WDR1: variants seen among roughly 807,000 people sequenced by gnomAD.
WDR1 encodes the protein WD repeat-containing protein 1.
In WDR1, 21 loss-of-function variants were observed where a neutral mutation model predicts 71.9. That is an observed-to-expected ratio of 0.29 (90% confidence interval 0.21 to 0.42). The LOEUF is 0.42. Among genes scored for constraint, WDR1 ranks in the 10% least tolerant of loss-of-function variants. The probability of loss-of-function intolerance (pLI) is 1.00; values close to 1 mark genes in which losing one functional copy is unlikely to be tolerated. For synonymous variants in WDR1, 424 were observed against 347.4 expected (o/e 1.22, Z -2.45); for missense variants, 696 against 824.5 (o/e 0.84, Z 1.91).
chr4:10,116,631 C>A lies in WDR1; in HGVS notation c.16+20G>T. The A allele has an allele frequency of 1.6e-6, 2 of 1,242,396 alleles. No homozygotes were observed. The highest frequency in any genetic ancestry group is 2.0e-6 in the Non-Finnish European group (2 of 990,050). The allele number at this position is 1,242,396 out of a possible 1,614,324, so 77.0% of individuals were successfully genotyped here. Reference sequence around the variant, plus strand: ...GGGCAGCGCGGCGGCCGCTCGGGGGCCCCGCGCCGCGGCACTTACTGATCT... The same window carrying A: ...GGGCAGCGCGGCGGCCGCTCGGGGGACCCGCGCCGCGGCACTTACTGATCT... On this transcript the variant is annotated intron_variant, in intron 1 of 14. Coordinates refer to ENST00000499869, the MANE Select transcript of WDR1 (RefSeq NM_017491.5).
intron 9 of WDR1, among the ~76,000 whole-genome samples, chr4:10,083,804 AAC>A (rs1765106028): frequency 6.6e-6 from 1 of 152,180 alleles, no homozygotes; most frequent in South Asian, 2.1e-4. Flanking sequence ...ATGCAGGAAA[AAC>A]ACAACAGAAG....
At chr4:10,108,326 G>A (rs372438914) in intron 2 of WDR1, 1 of 152,198 alleles carries the variant, frequency 6.6e-6, no homozygotes, top group African/African-American at 2.4e-5. Flanking sequence ...GGGTCTCAAG[G>A]CTTGCCACTG....
chr4:10,088,249 G>T (rs1231777374), intron 7 of WDR1, 44 bp downstream of exon 7: 1 of 1,531,176 alleles, frequency 6.5e-7, no homozygotes, highest in South Asian at 1.2e-5. Context: ...ACGTGGACTC[G>T]GCCAAATTCC....
intron 3 of WDR1, among the ~76,000 whole-genome samples, chr4:10,100,583 A>G (rs569110552): frequency 5.3e-5 from 8 of 152,336 alleles, no homozygotes; most frequent in African/African-American, 1.9e-4. Flanking sequence ...CTCTCAGTCC[A>G]GCTGCGGGGA....
chr4:10,094,625 G>A (rs975701453), intron 5 of WDR1: 2 of 152,200 alleles, frequency 1.3e-5, no homozygotes, highest in Admixed American at 6.5e-5. Flanking sequence ...GGTGCCCAGG[G>A]TCTCCTTTCA....
At chr4:10,113,205 A>C (rs1399112892) in intron 2 of WDR1, among the ~76,000 whole-genome samples, 1 of 152,210 alleles carries the variant, frequency 6.6e-6, no homozygotes, top group Non-Finnish European at 1.5e-5. Flanking sequence ...ACTAAAAAAT[A>C]CAAAAATTAG....
intron 2 of WDR1, among the ~76,000 whole-genome samples, chr4:10,110,889 A>T (rs970300741): frequency 2.0e-5 from 3 of 152,236 alleles, no homozygotes; most frequent in Admixed American, 6.5e-5. Context: ...CCTCAGGGGA[A>T]TGAGGTGGGG....
rs1018272636 is a variant in WDR1, at chr4:10,099,192, CA to C, written c.230-54del. ...GGGGAGGCGGTGGTGGGGTAAAGGG[CA>C]GGGGGAGAGCCACAGGTCACTGCCG... On this transcript the variant is annotated intron_variant, in intron 3 of 14. Transcript: ENST00000499869. 8 of 1,069,662 alleles carry C rather than the reference CA, an allele frequency of 7.5e-6. No individual in the cohort carries two copies. The East Asian group carries it at 1.9e-4, about 26-fold the overall frequency. 66.3% of individuals were successfully genotyped at this position (1,069,662 alleles called of 1,614,324 possible). A position where few individuals can be genotyped will look rare whatever the true frequency, so the allele number is the denominator to read the frequency against.
Position 10,100,581 on chromosome 4 carries a change from C to G in WDR1, c.230-1442G>C, listed in dbSNP as rs971023341. 2.6e-5 allele frequency among the ~76,000 whole-genome samples: 4 copies of G among 152,184 alleles called. No individual in the cohort carries two copies. In the East Asian group the frequency reaches 7.7e-4, roughly 29 times the overall value. Reference sequence around the variant, plus strand: ...ACGTAAGGACTGTCCTGCTCTCAGTCCAGCTGCGGGGACAGGCAAGAGGTG... The same window carrying G: ...ACGTAAGGACTGTCCTGCTCTCAGTGCAGCTGCGGGGACAGGCAAGAGGTG... On this transcript the variant is annotated intron_variant, in intron 3 of 14. Coordinates refer to ENST00000499869, the MANE Select transcript of WDR1 (RefSeq NM_017491.5).
At chr4:10,109,572 C>T (rs1232765539) in intron 2 of WDR1, among the ~76,000 whole-genome samples, 1 of 152,220 alleles carries the variant, frequency 6.6e-6, no homozygotes, top group Non-Finnish European at 1.5e-5. Context: ...ACGACTTTCC[C>T]CTCCTGCCTC....
At chr4:10,105,974 A>G (rs1316346558) in intron 2 of WDR1, among the ~76,000 whole-genome samples, 1 of 152,258 alleles carries the variant, frequency 6.6e-6, no homozygotes, top group Non-Finnish European at 1.5e-5. Flanking sequence ...ATCAATCGCC[A>G]ACATGTTATG....
At chr4:10,098,281 G>A (rs1712478204) in intron 4 of WDR1, among the ~76,000 whole-genome samples, 1 of 152,156 alleles carries the variant, frequency 6.6e-6, no homozygotes, top group Non-Finnish European at 1.5e-5. Flanking sequence ...CAAAAACACT[G>A]TTTTAGTTAC....
At chr4:10,111,737 C>T (rs1337480084) in intron 2 of WDR1, among the ~76,000 whole-genome samples, 2 of 152,130 alleles carry the variant, frequency 1.3e-5, no homozygotes, top group Non-Finnish European at 2.9e-5. Context: ...GGTGAGTCCT[C>T]TGCATGTGAA....
intron 3 of WDR1, among the ~76,000 whole-genome samples, chr4:10,101,863 G>A (rs1044946885): frequency 7.2e-5 from 11 of 152,218 alleles, no homozygotes; most frequent in African/African-American, 1.9e-4. Context: ...AAAGACATTC[G>A]GGCCAAATCT....
chr4:10,088,915 G>C (rs774803951), intron 5 of WDR1, among the ~76,000 whole-genome samples, 174 bp from the exon 6 acceptor site: 19 of 152,230 alleles, frequency 1.2e-4, no homozygotes, highest in Admixed American at 2.6e-4. Context: ...TAGTGGAGGG[G>C]CAGGAGTCTG....
At chr4:10,105,750 C>T (rs947858780) in intron 2 of WDR1, among the ~76,000 whole-genome samples, 6 of 152,216 alleles carry the variant, frequency 3.9e-5, no homozygotes, top group African/African-American at 1.4e-4. Flanking sequence ...TCACACCAAA[C>T]ACCAGCAACC....
chr4:10,114,513 C>T (rs911815252), intron 2 of WDR1, among the ~76,000 whole-genome samples: 1 of 152,210 alleles, frequency 6.6e-6, no homozygotes, highest in Admixed American at 6.5e-5. Flanking sequence ...ATGTGAGGCC[C>T]CCTCCCTGGA....
In WDR1 at chr4:10,077,431, A is replaced by G. The variant is rs369675816; in HGVS notation, c.1587T>C (p.Tyr529=). The change falls in exon 14 of 15, where the codon TAT becomes TAC. Residue 529 remains tyrosine (Y), a synonymous_variant. Coordinates refer to ENST00000499869, the MANE Select transcript of WDR1 (RefSeq NM_017491.5). Reference sequence around the variant, plus strand: ...GGCAGACGATTTTTGCATGGTGTCCATAAAAAACATTGTTCTCCTAGTTGC... The same window carrying G: ...GGCAGACGATTTTTGCATGGTGTCCGTAAAAAACATTGTTCTCCTAGTTGC... ...ADGYSENNVF[Y]GHHAKIVCLA... 106 of 1,614,006 alleles carry G rather than the reference A, an allele frequency of 6.6e-5. No individual in the cohort carries two copies. The African/African-American group carries it at 1.3e-3, about 20-fold the overall frequency.
intron 8 of WDR1, among the ~76,000 whole-genome samples, chr4:10,087,493 G>C (rs933371543): frequency 2.0e-5 from 3 of 152,238 alleles, no homozygotes; most frequent in African/African-American, 2.4e-5. Flanking sequence ...AGCTCAAGGG[G>C]AACTTGGCAC....
Sources: allele counts gnomAD v4.1 joint callset (sites outside exome capture counted in the v4.1 genomes callset), GRCh38; gene constraint gnomAD v4.1.1; transcripts MANE v1.5; gene names NCBI Gene and HGNC (gene_info 2026-07-23, HGNC 2026-07-21).